Variants in MED13 observed in about 807,000 individuals in gnomAD.
MED13 encodes mediator of RNA polymerase II transcription subunit 13.
Under a neutral mutation model 225.2 loss-of-function variants are expected in MED13, and 23 were observed. The ratio of observed to expected loss-of-function variants is 0.10; its 90% confidence interval spans 0.07 to 0.14. The LOEUF (loss-of-function observed/expected upper bound fraction) is 0.14, where lower values mean the gene tolerates loss of function less well. MED13 is among the 10% of genes least tolerant of loss of function. MED13 has a pLI of 1.00. For missense variants in MED13, 2,197 were observed against 2,594.5 expected (o/e 0.85, Z 3.33); for synonymous variants, 942 against 889.2 (o/e 1.06, Z -1.06).
At chr17:61,955,322 G>T in intron 26 of MED13, 60 bp downstream of exon 26, 2 of 1,321,120 alleles carry the variant, frequency 1.5e-6, no homozygotes, top group Non-Finnish European at 2.0e-6. Context: ...TTCAGGTATT[G>T]GACATGAATT....
In MED13 at chr17:61,982,795, T is replaced by C; in HGVS notation, c.3208A>G (p.Ser1070Gly). Reference sequence around the variant, plus strand: ...GAAAGGATGAGGTTTACATAAAGACTGTGTGCTTCAGGGATGGAAGGGACA... The same window carrying C: ...GAAAGGATGAGGTTTACATAAAGACCGTGTGCTTCAGGGATGGAAGGGACA... ...ATVPSIPEAH[S>G]LYVNLILSES... is the part of the protein sequence containing the mutation. The change falls in exon 16 of 30, where the codon AGT becomes GGT. Residue 1070 changes from serine to glycine, a missense_variant. Physicochemically the swap from Ser to Gly is moderately conservative, Grantham distance 56. This residue lies in a region of MED13 where 99 missense variants were observed against 158.5 expected (regional missense o/e 0.62). Coordinates refer to ENST00000397786, the MANE Select transcript of MED13 (RefSeq NM_005121.3). 2 of 1,614,236 alleles carry C rather than the reference T, an allele frequency of 1.2e-6. No individual in the cohort carries two copies. Among genetic ancestry groups the C allele is most frequent in the Non-Finnish European group, 1.7e-6 (2 of 1,180,036 alleles).
chr17:61,974,706 C>T (rs561944852), intron 16 of MED13, among the ~76,000 whole-genome samples: 1 of 152,116 alleles, frequency 6.6e-6, no homozygotes, highest in Non-Finnish European at 1.5e-5. Flanking sequence ...ATAGATGATT[C>T]TGGGACAACT....
At chr17:61,958,407 C>T (rs1028317412) in intron 23 of MED13, among the ~76,000 whole-genome samples, 2 of 151,490 alleles carry the variant, frequency 1.3e-5, no homozygotes, top group African/African-American at 4.9e-5. Flanking sequence ...GGTGTGATCT[C>T]GGCTCACTGC....
At chr17:61,965,709 C>T (rs904798503) in intron 19 of MED13, among the ~76,000 whole-genome samples, 1 of 151,982 alleles carries the variant, frequency 6.6e-6, no homozygotes, top group Non-Finnish European at 1.5e-5. Flanking sequence ...GAAATGATTA[C>T]TATGAAAGTG....
intron 9 of MED13, among the ~76,000 whole-genome samples, chr17:61,997,677 G>C (rs2080357876): frequency 6.6e-6 from 1 of 152,206 alleles, no homozygotes; most frequent in South Asian, 2.1e-4. Context: ...GAAATGAAAA[G>C]ATTTTAAGTA....
Position 62,015,946 on chromosome 17 carries a change from ATATATATATTTTTTTTTTTTT to A in MED13, c.1284-4734_1284-4714del, listed in dbSNP as rs1485384179. Among the ~76,000 whole-genome samples the A allele has an allele frequency of 1.5e-3, 20 of 13,594 alleles. 1 individual carries two copies. Among genetic ancestry groups the A allele is most frequent in the East Asian group, 0.01 (2 of 192 alleles). The allele number at this position is 13,594 out of a possible 152,430, so 8.9% of individuals were successfully genotyped here. The stretch of plus-strand genomic sequence containing the variant: ...TATATATATATATATATATATATAT[ATATATATATTTTTTTTTTTTT>A]TTTTTTTTTTTTTTTTAGTAGAGAC... On this transcript the variant is annotated intron_variant, in intron 8 of 29. Transcript: ENST00000397786.
At chr17:62,027,311 G>C (rs9911254) in intron 8 of MED13, among the ~76,000 whole-genome samples, 4 of 151,944 alleles carry the variant, frequency 2.6e-5, no homozygotes, top group Non-Finnish European at 5.9e-5. Flanking sequence ...CTTTGACAAA[G>C]CTCACAAAAA....
chr17:62,033,064 C>T (rs945113034), intron 5 of MED13, among the ~76,000 whole-genome samples: 9 of 151,978 alleles, frequency 5.9e-5, no homozygotes, highest in African/African-American at 1.7e-4. Flanking sequence ...GCACGAAAAG[C>T]GCTTGAACCT....
intron 8 of MED13, among the ~76,000 whole-genome samples, chr17:62,026,248 A>C (rs1828605553): frequency 6.6e-6 from 1 of 152,180 alleles, no homozygotes; most frequent in South Asian, 2.1e-4. Context: ...TTTATAAACT[A>C]AATAAATTTC....
chr17:62,036,234 A>G (rs2080802538), intron 3 of MED13, among the ~76,000 whole-genome samples: 1 of 150,752 alleles, frequency 6.6e-6, no homozygotes, highest in African/African-American at 2.5e-5. Flanking sequence ...CACTTTATTA[A>G]TTAATTGGAC....
At chr17:61,996,608 C>T (rs2080349072) in intron 9 of MED13, among the ~76,000 whole-genome samples, 1 of 152,140 alleles carries the variant, frequency 6.6e-6, no homozygotes, top group South Asian at 2.1e-4. Flanking sequence ...TTCCAAATAT[C>T]TGCATGGCCA....
At chr17:62,026,323 G>A (rs576907866) in intron 8 of MED13, among the ~76,000 whole-genome samples, 2 of 151,988 alleles carry the variant, frequency 1.3e-5, no homozygotes, top group Non-Finnish European at 2.9e-5. Context: ...ATTAGAAAGC[G>A]TGACAGTTTT....
intron 6 of MED13, 94 bp downstream of exon 6, chr17:62,031,350 G>T: frequency 9.0e-7 from 1 of 1,114,614 alleles, no homozygotes; most frequent in Non-Finnish European, 1.2e-6. Flanking sequence ...TTCTCAAGAA[G>T]TTTGAAACTA....
At position 62,010,955 on chromosome 17, in the gene MED13, T is replaced by A. The variant is rs765409462; in HGVS notation, c.1562A>T (p.Gln521Leu). 6.2e-7 allele frequency: 1 copy of A among 1,613,130 alleles called. No homozygotes were observed. Among genetic ancestry groups the A allele is most frequent in the Non-Finnish European group, 8.5e-7 (1 of 1,179,080 alleles). ...IRTNDVAKTP[Q>L]MHGTEMANSP... Reference sequence around the variant, plus strand: ...ATTTGCCATTTCGGTGCCATGCATCTGAGGAGTCTTTGCTACATCATTAGT... The same window carrying A: ...ATTTGCCATTTCGGTGCCATGCATCAGAGGAGTCTTTGCTACATCATTAGT... The change falls in exon 9 of 30, where the codon CAG (glutamine) becomes CTG (leucine). Residue 521 changes from glutamine to leucine, a missense_variant. By Grantham distance (113) the Gln-to-Leu change is moderately radical (BLOSUM62 -2). This residue lies in a region of MED13 where 884 missense variants were observed against 918.5 expected (regional missense o/e 0.96). Transcript: ENST00000397786.
chr17:61,997,164 C>A (rs967762016), intron 9 of MED13, among the ~76,000 whole-genome samples: 1 of 152,110 alleles, frequency 6.6e-6, no homozygotes. Flanking sequence ...TTCACTAATG[C>A]CTAACACTAG....
intron 2 of MED13, among the ~76,000 whole-genome samples, chr17:62,061,188 T>G (rs1027222396): frequency 6.6e-6 from 1 of 152,054 alleles, no homozygotes; most frequent in African/African-American, 2.4e-5. Context: ...ACATCTAACT[T>G]TAATAGTCTT....
At chr17:62,002,651 A>G (rs1405275195) in intron 9 of MED13, among the ~76,000 whole-genome samples, 1 of 152,212 alleles carries the variant, frequency 6.6e-6, no homozygotes, top group Non-Finnish European at 1.5e-5. Context: ...CTGAAGCAAT[A>G]TTAACAGCAG....
intron 12 of MED13, among the ~76,000 whole-genome samples, chr17:61,986,530 T>C (rs2080249420): frequency 6.6e-6 from 1 of 152,202 alleles, no homozygotes; most frequent in African/African-American, 2.4e-5. Flanking sequence ...TTTCCTCTTT[T>C]ATTGTTATAT....
chr17:61,993,246 C>T (rs1359447103), intron 10 of MED13, among the ~76,000 whole-genome samples: 5 of 137,924 alleles, frequency 3.6e-5, no homozygotes, highest in East Asian at 2.2e-4. Context: ...CTGTCACCCA[C>T]GCTAGAGTGC....
Sources: allele counts gnomAD v4.1 joint callset (sites outside exome capture counted in the v4.1 genomes callset), GRCh38; gene constraint gnomAD v4.1.1; regional missense constraint gnomAD v4.1.1; transcripts MANE v1.5; gene names NCBI Gene and HGNC (gene_info 2026-07-23, HGNC 2026-07-21).